Variants in RXRA observed in about 807,000 individuals in gnomAD.
RXRA encodes the protein retinoid X receptor alpha.
RXRA carries 5 observed loss-of-function variants against 44.5 expected under a neutral mutation model. That is an observed-to-expected ratio of 0.11 (90% CI 0.06 to 0.24). RXRA has a LOEUF of 0.24. Among genes scored for constraint, RXRA ranks in the 10% least tolerant of loss-of-function variants. The pLI, the probability that RXRA is intolerant of heterozygous loss-of-function variation, is 1.00. For synonymous variants in RXRA, 291 were observed against 271.4 expected (o/e 1.07, Z -0.71); for missense variants, 412 against 646.5 (o/e 0.64, Z 3.93).
At chr9:134,379,666 G>A (rs1830612212) in intron 1 of RXRA, 4 of 985,256 alleles carry the variant, frequency 4.1e-6, no homozygotes, top group Non-Finnish European at 4.8e-6. Flanking sequence ...TGCGGTCCTG[G>A]GAGGTAGCAG....
chr9:134,354,727 CA>C (rs1830262536), intron 1 of RXRA, among the ~76,000 whole-genome samples: 1 of 152,240 alleles, frequency 6.6e-6, no homozygotes, highest in South Asian at 2.1e-4. Context: ...CTGAAATGTT[CA>C]GAGGCCGTGT....
intron 1 of RXRA, among the ~76,000 whole-genome samples, chr9:134,391,758 A>G (rs1271967486): frequency 6.6e-6 from 1 of 152,038 alleles, no homozygotes; most frequent in Non-Finnish European, 1.5e-5. Flanking sequence ...GTGTCTGGCC[A>G]CCCTGGTGGT....
intron 5 of RXRA, 85 bp from the exon 6 acceptor site, chr9:134,421,591 G>A (rs559002163): frequency 4.7e-5 from 67 of 1,419,908 alleles, no homozygotes; most frequent in African/African-American, 4.0e-4. Context: ...TGGGCCCAGC[G>A]TGTGGCAGGG....
intron 4 of RXRA, among the ~76,000 whole-genome samples, chr9:134,409,712 C>T (rs1831116812): frequency 6.6e-6 from 1 of 152,234 alleles, no homozygotes; most frequent in South Asian, 2.1e-4. Context: ...GTTTCCCCAT[C>T]TGTCACATCC....
At position 134,366,428 on chromosome 9, in the gene RXRA, A is replaced by G. The variant is rs1394396425; in HGVS notation, c.29-35204A>G. ...GGGCGGGGCTGCTCCAGTCTCTTAC[A>G]CCAGCGCATCTGCAACTCATTACAC... On this transcript the variant is annotated intron_variant, in intron 1 of 9. Transcript: ENST00000481739. This position sits in a 1 kb window ranked among gnomAD's most constrained non-coding sequence, Gnocchi z 5.9. Among the ~76,000 whole-genome samples, 1 of 151,922 alleles carries G rather than the reference A, an allele frequency of 6.6e-6. No individual in the cohort carries two copies. Among genetic ancestry groups the G allele is most frequent in the Admixed American group, 6.6e-5 (1 of 15,256 alleles).
chr9:134,425,954 C>T (rs1218057208), intron 6 of RXRA: 1 of 985,268 alleles, frequency 1.0e-6, no homozygotes, highest in Admixed American at 6.1e-5. Context: ...AGGTTGGAGC[C>T]CGAGGCCCCA....
chr9:134,423,991 A>G (rs1482517418), intron 6 of RXRA: 1 of 985,234 alleles, frequency 1.0e-6, no homozygotes, highest in Non-Finnish European at 1.2e-6. Context: ...GTCGGGTTGG[A>G]TGGCTGTGTC....
chr9:134,372,710 A>G (rs1192189303), intron 1 of RXRA, among the ~76,000 whole-genome samples: 1 of 152,076 alleles, frequency 6.6e-6, no homozygotes, highest in African/African-American at 2.4e-5. Flanking sequence ...GGACTGTGAG[A>G]CCCTGCTCTT....
Position 134,433,323 on chromosome 9 carries a change from C to T in RXRA, c.1136-779C>T, listed in dbSNP as rs912685709. 2.1e-4 allele frequency among the ~76,000 whole-genome samples: 32 copies of T among 152,262 alleles called. No individual in the cohort carries two copies. The highest frequency in any genetic ancestry group is 6.8e-3 in the Middle Eastern group (2 of 294). On this transcript the variant is annotated intron_variant, in intron 8 of 9. Transcript: ENST00000481739. This position sits in a 1 kb window ranked among gnomAD's most constrained non-coding sequence, Gnocchi z 4.2. Reference sequence around the variant, plus strand: ...GGCACCAGCAGGACCTGGGCACCGGCTTGCAGGGAGGGTGAGATTGTCTGG... The same window carrying T: ...GGCACCAGCAGGACCTGGGCACCGGTTTGCAGGGAGGGTGAGATTGTCTGG...
intron 2 of RXRA, chr9:134,402,884 G>A (rs1564286607): frequency 2.0e-5 from 2 of 101,930 alleles, no homozygotes; most frequent in African/African-American, 5.2e-5. Context: ...CCATGGCAGA[G>A]TTTTGGTGCC....
At chr9:134,402,042 T>TG in intron 2 of RXRA, 160 bp downstream of exon 2, 1 of 662,924 alleles carries the variant, frequency 1.5e-6, no homozygotes, top group South Asian at 2.1e-5. Context: ...CAGAGTGCCG[T>TG]GGGGGTTTGA....
Position 134,408,297 on chromosome 9 carries a change from C to T in RXRA, c.428C>T (p.Ser143Leu). Residue 143 changes from serine (S) to leucine (L), a missense_variant and splice_region_variant, in exon 3 of 10, where the codon TCA becomes TTA. By Grantham distance (145) the Ser-to-Leu change is moderately radical. Coordinates refer to ENST00000481739, the MANE Select transcript of RXRA (RefSeq NM_002957.6). Reference sequence around the variant, plus strand: ...TGCGCCATCTGCGGGGACCGCTCCTCAGGTACCGCTGCTGTGGGGGCCAGG... The same window carrying T: ...TGCGCCATCTGCGGGGACCGCTCCTTAGGTACCGCTGCTGTGGGGGCCAGG... Reference protein sequence around the residue: ...HICAICGDRSSGKHYGVYSCE... With the variant: ...HICAICGDRSLGKHYGVYSCE... The T allele has an allele frequency of 6.2e-7, 1 of 1,603,084 alleles. No homozygotes were observed. The highest frequency in any genetic ancestry group is 8.5e-7 in the Non-Finnish European group (1 of 1,175,144).
intron 1 of RXRA, among the ~76,000 whole-genome samples, chr9:134,363,584 C>A (rs893513357): frequency 6.6e-6 from 1 of 152,224 alleles, no homozygotes; most frequent in Non-Finnish European, 1.5e-5. Context: ...AGGGAGGCCC[C>A]AAGGGGTGCA....
At chr9:134,425,072 A>G (rs1831410070) in intron 6 of RXRA, 1 of 985,446 alleles carries the variant, frequency 1.0e-6, no homozygotes, top group East Asian at 1.1e-4. Context: ...TTGGCCATGC[A>G]GGTTCAAGGC....
chr9:134,419,400 GA>G (rs1244540762), intron 5 of RXRA, among the ~76,000 whole-genome samples: 1 of 152,210 alleles, frequency 6.6e-6, no homozygotes, highest in African/African-American at 2.4e-5. Context: ...GCTCGCTGGG[GA>G]TAAAGGACAC....
At chr9:134,372,029 C>A (rs1454996685) in intron 1 of RXRA, 1 of 152,194 alleles carries the variant, frequency 6.6e-6, no homozygotes, top group African/African-American at 2.4e-5. Context: ...CACTTCCCTC[C>A]CTGGGGAGGG....
chr9:134,409,890 G>T (rs1006315906), intron 4 of RXRA, among the ~76,000 whole-genome samples: 8 of 152,094 alleles, frequency 5.3e-5, no homozygotes, highest in Admixed American at 2.6e-4. Context: ...GTCTGTCCCT[G>T]TCCCCCCGCT....
intron 1 of RXRA, among the ~76,000 whole-genome samples, chr9:134,338,784 C>T (rs11185652): frequency 0.38 from 57,498 of 152,132 alleles, 12,121 homozygotes; most frequent in African/African-American, 0.57. Context: ...CCCAGCCTTG[C>T]GGGTGAGACT....
chr9:134,390,721 G>C (rs1830787573), intron 1 of RXRA, among the ~76,000 whole-genome samples: 1 of 152,216 alleles, frequency 6.6e-6, no homozygotes, highest in South Asian at 2.1e-4. Flanking sequence ...GTTGTGATGG[G>C]GGAAGTCCTG....
Sources: gnomAD v4.1 joint callset for allele counts (sites outside exome capture counted in the v4.1 genomes callset) on GRCh38, gnomAD v4.1.1 for gene constraint, Gnocchi (gnomAD v3.1) non-coding constraint, MANE v1.5 for transcripts, NCBI Gene and HGNC (gene_info 2026-07-23, HGNC 2026-07-21) for gene names.